SORCS3: variants seen among roughly 807,000 people sequenced by gnomAD.
SORCS3 encodes the protein sortilin related VPS10 domain containing receptor 3.
Under a neutral mutation model 146.3 loss-of-function variants are expected in SORCS3, and 57 were observed. The observed-to-expected ratio is 0.39, with a 90% confidence interval of 0.31 to 0.49. The LOEUF (loss-of-function observed/expected upper bound fraction) is 0.49, where lower values mean the gene tolerates loss of function less well. Ranked by LOEUF, SORCS3 falls within the 20% of genes least tolerant of loss-of-function variation. The pLI is 0.92. For missense variants in SORCS3, 1,341 were observed against 1,575.5 expected, an observed-to-expected ratio of 0.85 and a Z score of 2.52; for synonymous variants, 653 against 618.5, an observed-to-expected ratio of 1.06 and a Z score of -0.83.
chr10:104,936,984 C>A (rs775040029), intron 3 of SORCS3, among the ~76,000 whole-genome samples: 4 of 152,170 alleles, frequency 2.6e-5, no homozygotes, highest in Non-Finnish European at 4.4e-5. Context: ...GGTCCCCAAC[C>A]TTTTTGGTAC....
intron 14 of SORCS3, among the ~76,000 whole-genome samples, chr10:105,193,714 C>CCTA (rs1589682211): frequency 6.6e-6 from 1 of 152,094 alleles, no homozygotes; most frequent in East Asian, 1.9e-4. Context: ...CTCAAGGTCA[C>CCTA]CTACTTAATT....
At position 105,252,558 on chromosome 10, in the gene SORCS3, T is replaced by C. The variant is rs764279145; in HGVS notation, c.3106-217T>C. Among the ~76,000 whole-genome samples, 4 of 152,302 alleles carry C rather than the reference T, an allele frequency of 2.6e-5. No homozygotes were observed. The East Asian group carries it at 5.8e-4, about 22-fold the overall frequency. On this transcript the variant is annotated intron_variant, in intron 22 of 26. Transcript: ENST00000369701. ...CCATTCTAGTTTCAGTAAAAATGTA[T>C]ATAAGAGCAGGGGAGGTAGTGAAAC...
chr10:105,167,160 C>T, intron 12 of SORCS3, 98 bp from the exon 13 acceptor site: 1 of 931,400 alleles, frequency 1.1e-6, no homozygotes, highest in Non-Finnish European at 1.6e-6. Flanking sequence ...AGGCTCAGAA[C>T]CTAGATGAAA....
intron 3 of SORCS3, among the ~76,000 whole-genome samples, chr10:104,964,230 A>G (rs1310743771): frequency 3.9e-5 from 6 of 152,142 alleles, no homozygotes; most frequent in Admixed American, 6.6e-5. Context: ...CCTTATATCA[A>G]TGCCTGGGTC....
At position 105,020,739 on chromosome 10, in the gene SORCS3, A is replaced by G. The variant is rs543431534; in HGVS notation, c.955-22316A>G. ...TGTACCAATTAATCAATAAACAAAT[A>G]AGGTACCTGATTCTCACCGTCACCT... is the stretch of plus-strand genomic sequence containing the variant. On this transcript the variant is annotated intron_variant, in intron 4 of 26. Coordinates refer to ENST00000369701, the MANE Select transcript of SORCS3 (RefSeq NM_014978.3). Among the ~76,000 whole-genome samples the G allele has an allele frequency of 2.6e-5, 4 of 152,264 alleles. No individual in the cohort carries two copies. In the South Asian group the frequency reaches 6.2e-4, roughly 24 times the overall value.
intron 4 of SORCS3, among the ~76,000 whole-genome samples, chr10:105,002,523 T>C (rs571177108): frequency 6.6e-6 from 1 of 152,292 alleles, no homozygotes; most frequent in East Asian, 1.9e-4. Flanking sequence ...AGGTGAGCTG[T>C]TCAATACAGA....
chr10:104,958,979 C>T (rs1303415060), intron 3 of SORCS3, among the ~76,000 whole-genome samples: 2 of 152,190 alleles, frequency 1.3e-5, no homozygotes, highest in East Asian at 3.9e-4. Context: ...CACCAGGTTC[C>T]TCCATGAACA....
intron 4 of SORCS3, among the ~76,000 whole-genome samples, chr10:104,990,888 C>T (rs1485487898): frequency 6.6e-6 from 1 of 152,192 alleles, no homozygotes; most frequent in Non-Finnish European, 1.5e-5. Flanking sequence ...AGCCTCATTT[C>T]AGACTTCTCA....
intron 5 of SORCS3, among the ~76,000 whole-genome samples, chr10:105,046,200 C>CT (rs893579238): frequency 6.6e-6 from 1 of 152,040 alleles, no homozygotes; most frequent in African/African-American, 2.4e-5. Flanking sequence ...GTTAAAAAGA[C>CT]TTTTAACTTG....
chr10:105,032,842 A>G (rs1056097833), intron 4 of SORCS3, among the ~76,000 whole-genome samples: 7 of 152,198 alleles, frequency 4.6e-5, no homozygotes, highest in African/African-American at 1.7e-4. Context: ...GTAGATATTA[A>G]CAATAGGATG....
intron 2 of SORCS3, among the ~76,000 whole-genome samples, chr10:104,858,953 A>AAC (rs5787554): frequency 2.2e-5 from 3 of 138,830 alleles, no homozygotes; most frequent in East Asian, 2.2e-4. Context: ...AAAAAAAAAA[A>AAC]CAACAAAAAA....
chr10:104,856,551 G>T (rs954406641), intron 2 of SORCS3, among the ~76,000 whole-genome samples: 9 of 144,610 alleles, frequency 6.2e-5, no homozygotes, highest in East Asian at 4.0e-4. Context: ...TATATACATA[G>T]AAATGTATGT....
At chr10:104,719,677 T>C (rs2016520319) in intron 1 of SORCS3, among the ~76,000 whole-genome samples, 1 of 152,212 alleles carries the variant, frequency 6.6e-6, no homozygotes, top group Admixed American at 6.5e-5. Context: ...TAAAAGACAC[T>C]TGGAAAAACA....
chr10:104,669,517 C>T (rs1042702483), intron 1 of SORCS3, among the ~76,000 whole-genome samples: 4 of 152,192 alleles, frequency 2.6e-5, no homozygotes, highest in South Asian at 2.1e-4. Context: ...GAATATTTCA[C>T]TTAGCATGAT....
intron 3 of SORCS3, among the ~76,000 whole-genome samples, chr10:104,951,784 GA>G (rs1479565426): frequency 4.6e-5 from 7 of 152,164 alleles, no homozygotes; most frequent in Admixed American, 3.9e-4. Flanking sequence ...GTCTTTTATA[GA>G]GAAGTCACAT....
chr10:104,846,492 A>C (rs1354354231), intron 2 of SORCS3, among the ~76,000 whole-genome samples: 1 of 152,208 alleles, frequency 6.6e-6, no homozygotes, highest in African/African-American at 2.4e-5. Flanking sequence ...TACCATCAAG[A>C]AGCCTGGAAC....
chr10:104,881,737 TC>T (rs916739032), intron 2 of SORCS3, among the ~76,000 whole-genome samples: 2 of 151,990 alleles, frequency 1.3e-5, no homozygotes, highest in African/African-American at 4.8e-5. Flanking sequence ...GTAACTTGCG[TC>T]AAAAACCAAG....
chr10:104,796,130 G>A (rs1394358026), intron 1 of SORCS3, among the ~76,000 whole-genome samples: 1 of 152,226 alleles, frequency 6.6e-6, no homozygotes, highest in East Asian at 1.9e-4. Context: ...TTGTCTCCCA[G>A]ACGAGTAGAG....
intron 3 of SORCS3, among the ~76,000 whole-genome samples, chr10:104,953,621 G>A (rs1168728885): frequency 6.6e-6 from 1 of 152,112 alleles, no homozygotes; most frequent in Non-Finnish European, 1.5e-5. Flanking sequence ...TTTTAGAAAG[G>A]GGACTGCATT....
Sources: allele counts gnomAD v4.1 joint callset (sites outside exome capture counted in the v4.1 genomes callset), GRCh38; gene constraint gnomAD v4.1.1; transcripts MANE v1.5; gene names NCBI Gene and HGNC (gene_info 2026-07-23, HGNC 2026-07-21).